STAC: variants seen among roughly 807,000 people sequenced by gnomAD.
STAC encodes the protein SH3 and cysteine-rich domain-containing protein.
In STAC, 43 loss-of-function variants were observed where a neutral mutation model predicts 48.8. The ratio of observed to expected loss-of-function variants is 0.88; its 90% CI spans 0.69 to 1.14. The LOEUF is 1.14. STAC is among the 50% of genes most tolerant of loss of function. STAC has a pLI of 0.00. For synonymous variants in STAC, 193 were observed against 179.5 expected (o/e 1.07, Z -0.60); for missense variants, 497 against 504.0 (o/e 0.99, Z 0.13).
intron 10 of STAC, among the ~76,000 whole-genome samples, chr3:36,535,774 T>C (rs984776888): frequency 1.2e-4 from 19 of 152,230 alleles, no homozygotes; most frequent in African/African-American, 4.6e-4. Context: ...TTACATGTAT[T>C]GATTTGCATA....
At position 36,494,239 on chromosome 3, in the gene STAC, G is replaced by C. The variant is rs961926288; in HGVS notation, c.766+1010G>C. On this transcript the variant is annotated intron_variant, in intron 6 of 10. Coordinates refer to ENST00000273183, the MANE Select transcript of STAC (RefSeq NM_003149.3). ...ACCAGATCCTTATGGATGCATTCTT[G>C]CTAGGCCTTTTGGACATCAATAACT... Among the ~76,000 whole-genome samples the C allele has an allele frequency of 2.0e-5, 3 of 150,760 alleles. No individual in the cohort carries two copies. In the South Asian group the frequency reaches 6.3e-4, roughly 31 times the overall value.
intron 1 of STAC, among the ~76,000 whole-genome samples, chr3:36,384,307 C>A (rs539545243): frequency 1.3e-5 from 2 of 152,088 alleles, no homozygotes; most frequent in African/African-American, 4.8e-5. Context: ...AGGAATCACA[C>A]CTCAATATCA....
intron 8 of STAC, among the ~76,000 whole-genome samples, chr3:36,511,702 G>A (rs1050806896): frequency 5.3e-5 from 8 of 152,150 alleles, no homozygotes; most frequent in African/African-American, 1.9e-4. Context: ...ATGGCTTCTG[G>A]AAAGCCTGCC....
At chr3:36,502,193 C>T (rs1400363516) in intron 6 of STAC, among the ~76,000 whole-genome samples, 1 of 152,132 alleles carries the variant, frequency 6.6e-6, no homozygotes, top group Non-Finnish European at 1.5e-5. Flanking sequence ...GCTTCTGTAA[C>T]ATTAGAAACT....
intron 8 of STAC, among the ~76,000 whole-genome samples, chr3:36,520,526 T>A (rs6797011): frequency 0.38 from 57,615 of 152,026 alleles, 11,442 homozygotes; most frequent in East Asian, 0.49. Context: ...CAAGGCAGAG[T>A]AAGACAGAAT....
chr3:36,511,924 A>G (rs1452175652), intron 8 of STAC, among the ~76,000 whole-genome samples: 1 of 152,060 alleles, frequency 6.6e-6, no homozygotes, highest in Admixed American at 6.6e-5. Flanking sequence ...ACCACACCTC[A>G]TGGTGGATAT....
intron 1 of STAC, among the ~76,000 whole-genome samples, chr3:36,431,836 AC>A (rs1230519615): frequency 6.6e-6 from 1 of 151,908 alleles, no homozygotes; most frequent in Non-Finnish European, 1.5e-5. Flanking sequence ...CTTTTCTATT[AC>A]TGCTTGTCAT....
At chr3:36,460,307 T>C (rs781545299) in intron 2 of STAC, among the ~76,000 whole-genome samples, 3 of 152,042 alleles carry the variant, frequency 2.0e-5, no homozygotes, top group Non-Finnish European at 4.4e-5. Context: ...CTGGAGCAAT[T>C]TGCCTCATAC....
chr3:36,465,911 T>C (rs925588229), intron 2 of STAC, among the ~76,000 whole-genome samples: 4 of 152,190 alleles, frequency 2.6e-5, no homozygotes, highest in Admixed American at 2.0e-4. Context: ...CTGATTCAAA[T>C]GTTAATCTCT....
chr3:36,448,354 T>C (rs1021580069), intron 2 of STAC, among the ~76,000 whole-genome samples: 1 of 151,450 alleles, frequency 6.6e-6, no homozygotes, highest in African/African-American at 2.4e-5. Context: ...CCCAAGTAGC[T>C]GGGATTACAG....
intron 1 of STAC, among the ~76,000 whole-genome samples, chr3:36,401,793 A>T (rs1057301055): frequency 6.6e-6 from 1 of 152,210 alleles, no homozygotes; most frequent in Non-Finnish European, 1.5e-5. Flanking sequence ...CTTGGGGTCC[A>T]TCTAAGTGCT....
chr3:36,506,563 TG>T (rs1202214620), intron 8 of STAC, among the ~76,000 whole-genome samples: 1 of 152,240 alleles, frequency 6.6e-6, no homozygotes, highest in Non-Finnish European at 1.5e-5. Flanking sequence ...TCCATGAGCA[TG>T]GAATGTTCTT....
chr3:36,403,580 A>G (rs1258734930), intron 1 of STAC, among the ~76,000 whole-genome samples: 1 of 152,178 alleles, frequency 6.6e-6, no homozygotes, highest in East Asian at 1.9e-4. Context: ...GAAGTGCCAC[A>G]CAGTAAAAGC....
At chr3:36,544,857 A>G (rs1222731196) in intron 10 of STAC, among the ~76,000 whole-genome samples, 7 of 152,284 alleles carry the variant, frequency 4.6e-5, no homozygotes, top group Non-Finnish European at 1.0e-4. Context: ...CTTACAAATT[A>G]TCTTCTCTTC....
chr3:36,466,633 C>A (rs531700205), intron 2 of STAC, among the ~76,000 whole-genome samples: 1 of 151,910 alleles, frequency 6.6e-6, no homozygotes, highest in East Asian at 1.9e-4. Flanking sequence ...GAGTTCTTTA[C>A]TTGATTCTCA....
At chr3:36,464,055 A>G (rs1171238277) in intron 2 of STAC, among the ~76,000 whole-genome samples, 1 of 152,122 alleles carries the variant, frequency 6.6e-6, no homozygotes, top group Non-Finnish European at 1.5e-5. Context: ...TGCTGGGTCA[A>G]ATGGTATTTC....
intron 5 of STAC, among the ~76,000 whole-genome samples, chr3:36,488,481 G>A (rs895693824): frequency 1.3e-5 from 2 of 152,090 alleles, no homozygotes; most frequent in African/African-American, 4.8e-5. Flanking sequence ...AGTGTTCCCA[G>A]GGGTCTGCTT....
At chr3:36,415,296 T>C (rs909030696) in intron 1 of STAC, among the ~76,000 whole-genome samples, 1 of 152,178 alleles carries the variant, frequency 6.6e-6, no homozygotes, top group African/African-American at 2.4e-5. Context: ...GCAGGCCTCC[T>C]TGAGCTGCGG....
At chr3:36,437,527 CA>C (rs1054925007) in intron 1 of STAC, among the ~76,000 whole-genome samples, 3 of 147,108 alleles carry the variant, frequency 2.0e-5, no homozygotes, top group Non-Finnish European at 4.5e-5. Flanking sequence ...ACCGCAAGGA[CA>C]AAAAAACCAA....
Sources: allele counts gnomAD v4.1 joint callset (sites outside exome capture counted in the v4.1 genomes callset), GRCh38; gene constraint gnomAD v4.1.1; transcripts MANE v1.5; gene names NCBI Gene and HGNC (gene_info 2026-07-23, HGNC 2026-07-21).